P2RY2: variants seen among roughly 807,000 people sequenced by gnomAD.
P2RY2 encodes the protein P2Y purinoceptor 2.
For missense variants in P2RY2, 567 were observed against 515.7 expected, an observed-to-expected ratio of 1.10 and a Z score of -0.96; for synonymous variants, 241 against 231.9, an observed-to-expected ratio of 1.04 and a Z score of -0.35.
chr11:73,223,827 T>C (rs1046492943), intron 1 of P2RY2, among the ~76,000 whole-genome samples: 1 of 152,198 alleles, frequency 6.6e-6, no homozygotes, highest in Admixed American at 6.5e-5. Flanking sequence ...GGTCCTGCTC[T>C]ATGTTGGGGG....
chr11:73,223,642 C>T (rs1375032202), intron 1 of P2RY2, among the ~76,000 whole-genome samples: 1 of 152,168 alleles, frequency 6.6e-6, no homozygotes, highest in Non-Finnish European at 1.5e-5. Flanking sequence ...GCACAGGTGG[C>T]TCCAAGTTAG....
chr11:73,233,684 A>G (rs1295598418), intron 2 of P2RY2, among the ~76,000 whole-genome samples: 1 of 152,208 alleles, frequency 6.6e-6, no homozygotes, highest in African/African-American at 2.4e-5. Context: ...TTTTGTAGAG[A>G]TGGGGTCTCA....
At chr11:73,224,053 G>C (rs935632254) in intron 1 of P2RY2, among the ~76,000 whole-genome samples, 1 of 152,160 alleles carries the variant, frequency 6.6e-6, no homozygotes, top group African/African-American at 2.4e-5. Context: ...AGGGGGTAGA[G>C]AGCCCAAGGG....
chr11:73,236,401 T>A lies in P2RY2; in HGVS notation c.*1108T>A. On this transcript the variant is annotated 3_prime_UTR_variant, in exon 3 of 3. Coordinates refer to ENST00000393597, the MANE Select transcript of P2RY2 (RefSeq NM_002564.4). ...TCTTGCAAGCAGGTACAAGTCACTCTAGCACACCACTGGATAATGCCGAGT... is the reference window on the plus strand; with the variant it reads ...TCTTGCAAGCAGGTACAAGTCACTCAAGCACACCACTGGATAATGCCGAGT... 1 of 375,926 alleles carries A rather than the reference T, an allele frequency of 2.7e-6. No homozygotes were observed. The highest frequency in any genetic ancestry group is 3.8e-6 in the Non-Finnish European group (1 of 261,354). 23.3% of individuals were successfully genotyped at this position (375,926 alleles called of 1,614,324 possible). A position where few individuals can be genotyped will look rare whatever the true frequency, so the allele number is the denominator to read the frequency against.
rs1210377452 is a variant in P2RY2 at position 73,238,792 on chromosome 11, T to C, written c.*3499T>C. The stretch of plus-strand genomic sequence containing the variant: ...TCACCTGATGGCCAGAATCATGCCC[T>C]TTATAGTGCCCCACGACACTCACAG... On this transcript the variant is annotated 3_prime_UTR_variant, in exon 3 of 3. Coordinates refer to ENST00000393597, the MANE Select transcript of P2RY2 (RefSeq NM_002564.4). 6.6e-6 allele frequency among the ~76,000 whole-genome samples: 1 copy of C among 152,178 alleles called. No individual in the cohort carries two copies. Among genetic ancestry groups the C allele is most frequent in the East Asian group, 1.9e-4 (1 of 5,198 alleles).
In P2RY2 at chr11:73,234,808, T is replaced by C. The variant is rs1395503898; in HGVS notation, c.649T>C (p.Cys217Arg). Residue 217 changes from cysteine to arginine, a missense_variant, in exon 3 of 3, where the codon TGT becomes CGT. Transcript: ENST00000393597. Reference sequence around the variant, plus strand: ...GGTGCCCTTTGCCGTCATCCTTGTCTGTTACGTGCTCATGGCTCGGCGACT... The same window carrying C: ...GGTGCCCTTTGCCGTCATCCTTGTCCGTTACGTGCTCATGGCTCGGCGACT... ...FAVPFAVILV[C>R]YVLMARRLLK... 1 of 1,611,986 alleles carries C rather than the reference T, an allele frequency of 6.2e-7. No individual in the cohort carries two copies. The highest frequency in any genetic ancestry group is 2.2e-5 in the East Asian group (1 of 44,874).
chr11:73,235,011 C>T lies in P2RY2; in HGVS notation c.852C>T (p.Ile284=). Reference sequence around the variant, plus strand: ...TCAGCTGCCACACCCTCAACGCCATCAACATGGCCTACAAGGTTACCCGGC... The same window carrying T: ...TCAGCTGCCACACCCTCAACGCCATTAACATGGCCTACAAGGTTACCCGGC... The part of the protein sequence containing the change: ...LDLSCHTLNA[I]NMAYKVTRPL... The change falls in exon 3 of 3, where the codon ATC becomes ATT. Residue 284 remains isoleucine (I), a synonymous_variant. Coordinates refer to ENST00000393597, the MANE Select transcript of P2RY2 (RefSeq NM_002564.4). The T allele has an allele frequency of 6.2e-7, 1 of 1,609,044 alleles. No homozygotes were observed. Among genetic ancestry groups the T allele is most frequent in the Non-Finnish European group, 8.5e-7 (1 of 1,179,920 alleles).
chr11:73,230,113 G>A (rs1023844036), intron 2 of P2RY2, among the ~76,000 whole-genome samples: 25 of 151,964 alleles, frequency 1.6e-4, no homozygotes, highest in Non-Finnish European at 3.2e-4. Context: ...CCTTAGTCTC[G>A]CAAGGGGGCC....
Position 73,236,470 on chromosome 11 carries a change from T to A in P2RY2, c.*1177T>A. The A allele has an allele frequency of 1.2e-6, 1 of 840,188 alleles. No homozygotes were observed. Among genetic ancestry groups the A allele is most frequent in the South Asian group, 5.4e-5 (1 of 18,436 alleles). 52.0% of individuals were successfully genotyped at this position (840,188 alleles called of 1,614,324 possible). A position where few individuals can be genotyped will look rare whatever the true frequency, so the allele number is the denominator to read the frequency against. ...GGGGGTCAGGGAAGGGTTCCTGGAG[T>A]GGGAGACTCCTGAGCTGTAGCTTCT... On this transcript the variant is annotated 3_prime_UTR_variant, in exon 3 of 3. Transcript: ENST00000393597.
At position 73,239,867 on chromosome 11, in the gene P2RY2, G is replaced by T. The variant is rs1032887612; in HGVS notation, c.*4574G>T. On this transcript the variant is annotated 3_prime_UTR_variant, in exon 3 of 3. Coordinates refer to ENST00000393597, the MANE Select transcript of P2RY2 (RefSeq NM_002564.4). Reference sequence around the variant, plus strand: ...AGAGAAGTGAAGTGACCCCACTGCCGCCACACAGAGCCACACAGTGCGATG... The same window carrying T: ...AGAGAAGTGAAGTGACCCCACTGCCTCCACACAGAGCCACACAGTGCGATG... The T allele has an allele frequency of 6.6e-6, 1 of 152,262 alleles. No individual in the cohort carries two copies. Among genetic ancestry groups the T allele is most frequent in the Non-Finnish European group, 1.5e-5 (1 of 68,114 alleles). The allele number at this position is 152,262 out of a possible 1,614,324, so 9.4% of individuals were successfully genotyped here. A position where few individuals can be genotyped will look rare whatever the true frequency, so the allele number is the denominator to read the frequency against.
At chr11:73,219,932 C>T (rs549204170) in intron 1 of P2RY2, among the ~76,000 whole-genome samples, 1 of 152,350 alleles carries the variant, frequency 6.6e-6, no homozygotes, top group Admixed American at 6.5e-5. Context: ...AGGCCTGGGG[C>T]TGACAGCCCT....
chr11:73,234,302 T>G lies in P2RY2; in HGVS notation c.143T>G (p.Leu48Arg). The change falls in exon 3 of 3, where the codon CTG becomes CGG. Residue 48 changes from leucine (L) to arginine (R), a missense_variant. Coordinates refer to ENST00000393597, the MANE Select transcript of P2RY2 (RefSeq NM_002564.4). Reference protein sequence around the residue: ...VSYGVVCVPGLCLNAVALYIF... With the variant: ...VSYGVVCVPGRCLNAVALYIF... ...TACGGCGTGGTGTGCGTGCCTGGGCTGTGTCTGAACGCCGTGGCGCTCTAC... is the reference window on the plus strand; with the variant it reads ...TACGGCGTGGTGTGCGTGCCTGGGCGGTGTCTGAACGCCGTGGCGCTCTAC... 6.2e-7 allele frequency: 1 copy of G among 1,613,812 alleles called. No individual in the cohort carries two copies. Among genetic ancestry groups the G allele is most frequent in the Non-Finnish European group, 8.5e-7 (1 of 1,179,768 alleles).
intron 2 of P2RY2, among the ~76,000 whole-genome samples, chr11:73,230,840 G>A (rs1862432310): frequency 6.8e-6 from 1 of 147,240 alleles, no homozygotes; most frequent in Non-Finnish European, 1.5e-5. Flanking sequence ...GCTTTCTCCT[G>A]AAACAGGGTA....
In P2RY2 at chr11:73,238,169, C is replaced by T. The variant is rs1427796149; in HGVS notation, c.*2876C>T. On this transcript the variant is annotated 3_prime_UTR_variant, in exon 3 of 3. Coordinates refer to ENST00000393597, the MANE Select transcript of P2RY2 (RefSeq NM_002564.4). ...TGCCTTGGTGACGATCCTGCTGTCA[C>T]TCACACTGCCCAGCTCTTCCTGCCC... 6.6e-6 allele frequency among the ~76,000 whole-genome samples: 1 copy of T among 152,234 alleles called. No individual in the cohort carries two copies. Among genetic ancestry groups the T allele is most frequent in the East Asian group, 1.9e-4 (1 of 5,202 alleles).
intron 1 of P2RY2, among the ~76,000 whole-genome samples, chr11:73,222,129 C>T (rs1332329422): frequency 6.6e-6 from 1 of 152,128 alleles, no homozygotes; most frequent in African/African-American, 2.4e-5. Context: ...CATTGTAGCT[C>T]CTGAATGAGA....
At chr11:73,222,056 G>C (rs1565134723) in intron 1 of P2RY2, among the ~76,000 whole-genome samples, 1 of 152,182 alleles carries the variant, frequency 6.6e-6, no homozygotes, top group Non-Finnish European at 1.5e-5. Context: ...CTGGTAGGAG[G>C]GTGAGCAGCC....
chr11:73,224,235 G>A (rs929678582), intron 1 of P2RY2, among the ~76,000 whole-genome samples: 5 of 152,182 alleles, frequency 3.3e-5, no homozygotes, highest in Admixed American at 2.0e-4. Context: ...AGGAGCCAGC[G>A]TGACTTCTAA....
At chr11:73,226,154 G>A (rs1790079) in intron 1 of P2RY2, among the ~76,000 whole-genome samples, 142,541 of 152,054 alleles carry the variant, frequency 0.94, 67,543 homozygotes, top group East Asian at 1. Flanking sequence ...GACTAACAGG[G>A]CTTGGTGAGT....
rs1395357223 is a variant in P2RY2, at chr11:73,235,556, CT to C, written c.*264del. 3 of 1,197,978 alleles carry C rather than the reference CT, an allele frequency of 2.5e-6. No homozygotes were observed. Among genetic ancestry groups the C allele is most frequent in the Non-Finnish European group, 3.1e-6 (3 of 957,204 alleles). The allele number at this position is 1,197,978 out of a possible 1,614,324, so 74.2% of individuals were successfully genotyped here. ...CAAGAGCTCAAGGTCAATGACACCC[CT>C]GGCCTGACTCCCATGCAAGTAGCTG... On this transcript the variant is annotated 3_prime_UTR_variant, in exon 3 of 3. Transcript: ENST00000393597.
Sources: gnomAD v4.1 joint callset for allele counts (sites outside exome capture counted in the v4.1 genomes callset) on GRCh38, gnomAD v4.1.1 for gene constraint, MANE v1.5 for transcripts, NCBI Gene and HGNC (gene_info 2026-07-23, HGNC 2026-07-21) for gene names.